The following GBE1 variants were observed in gnomAD, a reference collection of about 807,000 sequenced individuals.
The protein encoded by GBE1 is 1,4-alpha-glucan-branching enzyme.
Under a neutral mutation model 88.8 loss-of-function variants are expected in GBE1, and 70 were observed. The ratio of observed to expected loss-of-function variants is 0.79; its 90% confidence interval spans 0.65 to 0.96. GBE1 has a LOEUF of 0.96. GBE1 is among the 40% of genes least tolerant of loss of function. GBE1 has a pLI of 0.00. For synonymous variants in GBE1, 284 were observed against 300.1 expected (o/e 0.95, Z 0.56); for missense variants, 872 against 871.0 (o/e 1.00, Z -0.01).
intron 15 of GBE1, among the ~76,000 whole-genome samples, chr3:81,491,476 T>C (rs1021846776): frequency 6.6e-6 from 1 of 152,228 alleles, no homozygotes; most frequent in Non-Finnish European, 1.5e-5. Context: ...AGTGGATCAA[T>C]AGGTGCATAT....
chr3:81,719,060 T>A (rs1705983066), intron 1 of GBE1, among the ~76,000 whole-genome samples: 1 of 152,136 alleles, frequency 6.6e-6, no homozygotes. Flanking sequence ...AGAAAAAAAA[T>A]TCTGCTCTAG....
At chr3:81,629,224 T>C (rs919826302) in intron 7 of GBE1, among the ~76,000 whole-genome samples, 1 of 123,968 alleles carries the variant, frequency 8.1e-6, no homozygotes, top group Admixed American at 9.8e-5. Context: ...TTCCCCTTCC[T>C]GTGTCCATGT....
intron 7 of GBE1, among the ~76,000 whole-genome samples, chr3:81,625,280 A>T (rs1212373927): frequency 6.6e-6 from 1 of 152,146 alleles, no homozygotes; most frequent in Non-Finnish European, 1.5e-5. Flanking sequence ...TTTGATTCTG[A>T]CATTCCTATT....
chr3:81,501,921 A>G (rs1702591632), intron 14 of GBE1, among the ~76,000 whole-genome samples: 1 of 150,162 alleles, frequency 6.7e-6, no homozygotes, highest in Non-Finnish European at 1.5e-5. Context: ...CTGGTCTCGA[A>G]CTCTTGAGCC....
At chr3:81,734,738 G>C (rs1706237416) in intron 1 of GBE1, among the ~76,000 whole-genome samples, 1 of 152,044 alleles carries the variant, frequency 6.6e-6, no homozygotes, top group South Asian at 2.1e-4. Context: ...AAGACAATGT[G>C]CCTCTAATCT....
intron 1 of GBE1, among the ~76,000 whole-genome samples, chr3:81,754,950 G>C (rs1284223645): frequency 6.6e-6 from 1 of 151,948 alleles, no homozygotes; most frequent in African/African-American, 2.4e-5. Flanking sequence ...CCTTAACATA[G>C]GCTATCAAAG....
chr3:81,737,308 TA>T (rs1378861578), intron 1 of GBE1, among the ~76,000 whole-genome samples: 20 of 95,996 alleles, frequency 2.1e-4, no homozygotes, highest in African/African-American at 9.4e-4. Context: ...TATAAATATA[TA>T]TTTATATATA....
intron 15 of GBE1, among the ~76,000 whole-genome samples, chr3:81,495,745 G>C (rs2106804854): frequency 6.6e-6 from 1 of 152,258 alleles, no homozygotes; most frequent in African/African-American, 2.4e-5. Flanking sequence ...GAATAGAGCA[G>C]AAGATATTTT....
Position 81,648,942 on chromosome 3 carries a change from G to T in GBE1, c.605C>A (p.Ser202Tyr). ...KKPRSLRIYESHVGISSHEGK... is the reference protein window; with the variant it reads ...KKPRSLRIYEYHVGISSHEGK... ...TTCATGGGAAGAAATTCCCACATGAGATTCATAAATTCTTAGACTCCGTGG... is the reference window on the plus strand; with the variant it reads ...TTCATGGGAAGAAATTCCCACATGATATTCATAAATTCTTAGACTCCGTGG... Residue 202 changes from serine (S) to tyrosine (Y), a missense_variant, in exon 5 of 16, where the codon TCT becomes TAT. Ser to Tyr is a moderately radical substitution (Grantham distance 144). Transcript: ENST00000429644. 2 of 1,583,216 alleles carry T rather than the reference G, an allele frequency of 1.3e-6. No individual in the cohort carries two copies. Among genetic ancestry groups the T allele is most frequent in the Admixed American group, 1.7e-5 (1 of 58,438 alleles).
At chr3:81,705,329 ATATT>A (rs1232595259) in intron 2 of GBE1, 111 bp downstream of exon 2, 1 of 781,148 alleles carries the variant, frequency 1.3e-6, no homozygotes, top group Non-Finnish European at 1.9e-6. Flanking sequence ...GAAAAGTCTG[ATATT>A]TATTTGTAAT....
chr3:81,705,094 C>T (rs1170497651), intron 2 of GBE1, among the ~76,000 whole-genome samples: 1 of 152,080 alleles, frequency 6.6e-6, no homozygotes, highest in Admixed American at 6.6e-5. Context: ...GCTAGCGGAG[C>T]TTTATGCCAA....
At chr3:81,672,203 T>C (rs967447234) in intron 2 of GBE1, among the ~76,000 whole-genome samples, 14 of 152,014 alleles carry the variant, frequency 9.2e-5, no homozygotes, top group African/African-American at 3.4e-4. Context: ...AACAACTTGG[T>C]ATCATATGTG....
intron 12 of GBE1, among the ~76,000 whole-genome samples, chr3:81,563,650 G>T (rs78616468): frequency 6.6e-6 from 1 of 152,028 alleles, no homozygotes; most frequent in African/African-American, 2.4e-5. Flanking sequence ...GGAATCTTTT[G>T]TGAGTCACTG....
chr3:81,707,927 C>T (rs1705801492), intron 1 of GBE1, among the ~76,000 whole-genome samples: 1 of 57,764 alleles, frequency 1.7e-5, no homozygotes, highest in Non-Finnish European at 3.4e-5. Flanking sequence ...ATGATATACC[C>T]TTAATATCAG....
intron 14 of GBE1, among the ~76,000 whole-genome samples, chr3:81,504,439 G>C (rs934118778): frequency 6.6e-6 from 1 of 151,392 alleles, no homozygotes; most frequent in Non-Finnish European, 1.5e-5. Context: ...CAAAACACTG[G>C]ATCATAAAAT....
intron 10 of GBE1, among the ~76,000 whole-genome samples, chr3:81,584,415 TATTGA>T (rs1462857667): frequency 6.6e-6 from 1 of 152,078 alleles, no homozygotes; most frequent in Non-Finnish European, 1.5e-5. Context: ...GGGAGCCACT[TATTGA>T]ATTGTTTTTA....
intron 1 of GBE1, among the ~76,000 whole-genome samples, chr3:81,708,374 A>G (rs1049532084): frequency 2.0e-5 from 3 of 152,072 alleles, no homozygotes. Flanking sequence ...AAAAATAAGT[A>G]AGTCCAAGAG....
intron 15 of GBE1, among the ~76,000 whole-genome samples, chr3:81,497,939 C>A (rs1439579584): frequency 6.6e-6 from 1 of 152,144 alleles, no homozygotes; most frequent in East Asian, 1.9e-4. Flanking sequence ...GTAATAATTC[C>A]TTTAAGAATG....
At chr3:81,522,179 T>C (rs1702882782) in intron 14 of GBE1, among the ~76,000 whole-genome samples, 2 of 151,652 alleles carry the variant, frequency 1.3e-5, no homozygotes, top group East Asian at 3.9e-4. Flanking sequence ...GGTGGTAATC[T>C]AAGAAGCATG....
Sources: allele counts gnomAD v4.1 joint callset (sites outside exome capture counted in the v4.1 genomes callset), GRCh38; gene constraint gnomAD v4.1.1; transcripts MANE v1.5; gene names NCBI Gene and HGNC (gene_info 2026-07-23, HGNC 2026-07-21).